The following C1orf167 variants were observed in gnomAD, a reference collection of about 807,000 sequenced individuals.
The protein encoded by C1orf167 is chromosome 1 open reading frame 167.
In C1orf167, 153 loss-of-function variants were observed where a neutral mutation model predicts 176.5. That is an observed-to-expected ratio of 0.87 (90% CI 0.76 to 0.99). C1orf167 has a LOEUF of 0.99. C1orf167 is among the 50% of genes least tolerant of loss of function. The probability of loss-of-function intolerance (pLI) is 0.00; values close to 1 mark genes in which losing one functional copy is unlikely to be tolerated. For synonymous variants in C1orf167, 594 were observed against 752.7 expected, an observed-to-expected ratio of 0.79 and a Z score of 3.45; for missense variants, 1,490 against 1,817.7, an observed-to-expected ratio of 0.82 and a Z score of 3.28.
chr1:11,776,375 A>C (rs1015691185), intron 9 of C1orf167, 89 bp from the exon 10 acceptor site: 15 of 1,173,930 alleles, frequency 1.3e-5, no homozygotes, highest in Non-Finnish European at 1.5e-5. Context: ...AGAGCTCCCA[A>C]GAGGGGCCTG....
intron 8 of C1orf167, among the ~76,000 whole-genome samples, chr1:11,774,991 A>G (rs1434359403): frequency 6.6e-6 from 1 of 152,152 alleles, no homozygotes; most frequent in Non-Finnish European, 1.5e-5. Flanking sequence ...ACAGATGAGA[A>G]AACGGAGGCT....
chr1:11,775,826 G>A (rs945307378), intron 9 of C1orf167, among the ~76,000 whole-genome samples: 7 of 152,222 alleles, frequency 4.6e-5, no homozygotes, highest in African/African-American at 1.7e-4. Context: ...TGCTGTGGGT[G>A]ACAGACTTGG....
chr1:11,772,352 C>T (rs1036978276), intron 8 of C1orf167, 93 bp downstream of exon 8: 3 of 1,107,252 alleles, frequency 2.7e-6, no homozygotes, highest in South Asian at 3.1e-5. Context: ...GCACCCTCCA[C>T]CTCCCTGGCT....
intron 7 of C1orf167, 46 bp downstream of exon 7, chr1:11,771,682 C>T (rs1453414565): frequency 5.7e-6 from 7 of 1,237,848 alleles, no homozygotes; most frequent in Non-Finnish European, 7.4e-6. Flanking sequence ...AGCCTGGCCA[C>T]GCAGGGCCTG....
intron 15 of C1orf167, 40 bp downstream of exon 15, chr1:11,784,633 C>G: frequency 8.3e-7 from 1 of 1,201,680 alleles, no homozygotes; most frequent in Non-Finnish European, 1.1e-6. Flanking sequence ...CTCTGTGCTT[C>G]CAGCTCAGGC....
intron 8 of C1orf167, among the ~76,000 whole-genome samples, chr1:11,775,006 C>T (rs1361192227): frequency 6.6e-6 from 1 of 152,152 alleles, no homozygotes; most frequent in Non-Finnish European, 1.5e-5. Flanking sequence ...GAGGCTTGGC[C>T]AGACGCGGTG....
At chr1:11,784,999 C>A in intron 15 of C1orf167, 149 bp from the exon 16 acceptor site, 1 of 682,012 alleles carries the variant, frequency 1.5e-6, no homozygotes, top group Non-Finnish European at 2.0e-6. Context: ...TACCCAGATT[C>A]TCCCTCCAGA....
rs1273714236 is a variant in C1orf167, at chr1:11,788,013, A to T, written c.3814A>T (p.Lys1272Ter). ...AHSSPEPRAC[K>*]AQSKAHKRRL... is the part of the protein sequence containing the mutation. ...CTCCAGCCCTGAGCCCAGAGCCTGC[A>T]AAGCCCAAAGCAAGGCCCATAAACG... The change falls in exon 18 of 21, where the codon AAA becomes TAA. Residue 1272 changes from lysine (K) to a stop codon, truncating the protein, a stop_gained. Coordinates refer to ENST00000688073, the MANE Select transcript of C1orf167 (RefSeq NM_001010881.2). LOFTEE classifies it high-confidence loss of function. The T allele has an allele frequency of 7.7e-7, 1 of 1,302,266 alleles. No individual in the cohort carries two copies. The highest frequency in any genetic ancestry group is 1.5e-5 in the African/African-American group (1 of 65,800). 80.7% of individuals were successfully genotyped at this position (1,302,266 alleles called of 1,614,324 possible).
chr1:11,784,822 C>A (rs767846297), intron 15 of C1orf167, among the ~76,000 whole-genome samples: 1 of 152,206 alleles, frequency 6.6e-6, no homozygotes, highest in Non-Finnish European at 1.5e-5. Context: ...AATGGTCATG[C>A]CTTGCAGTCA....
rs1287272250 is a variant in C1orf167, at chr1:11,779,820, C to T, written c.2670C>T (p.Ser890=). ...TTCCCAGCATCTTCCTCAGCTGGAG[C>T]CGCTGGGCAACAGCCCAATGGGCCT... ...TRQRRIFLSW[S]RWATAQWAWR... is the part of the protein sequence containing the mutation. Residue 890 remains serine, a synonymous_variant, in exon 13 of 21, where the codon AGC becomes AGT. Transcript: ENST00000688073. The T allele has an allele frequency of 1.5e-6, 2 of 1,302,124 alleles. No individual in the cohort carries two copies. The highest frequency in any genetic ancestry group is 2.3e-5 in the Admixed American group (1 of 43,542). The allele number at this position is 1,302,124 out of a possible 1,614,324, so 80.7% of individuals were successfully genotyped here. A position where few individuals can be genotyped will look rare whatever the true frequency, so the allele number is the denominator to read the frequency against.
rs1292116133 is a variant in C1orf167 at position 11,763,097 on chromosome 1, G to A, written c.-71+792G>A. 8.5e-5 allele frequency among the ~76,000 whole-genome samples: 13 copies of A among 152,306 alleles called. No homozygotes were observed. The East Asian group carries it at 2.3e-3, about 27-fold the overall frequency. ...GGCTGGTGTGTGTGGAGGACAGTGGGCAAGGGGAAGAGGAATTGGGGAGGA... is the reference window on the plus strand; with the variant it reads ...GGCTGGTGTGTGTGGAGGACAGTGGACAAGGGGAAGAGGAATTGGGGAGGA... On this transcript the variant is annotated intron_variant, in intron 1 of 20. Transcript: ENST00000688073.
intron 9 of C1orf167, among the ~76,000 whole-genome samples, chr1:11,775,937 GAC>G (rs941633309): frequency 2.6e-5 from 4 of 152,298 alleles, no homozygotes; most frequent in South Asian, 4.1e-4. Context: ...TGTGATGGGG[GAC>G]ACACAGCCCT....
At chr1:11,778,470 C>T (rs1643430305) in intron 10 of C1orf167, among the ~76,000 whole-genome samples, 190 bp from the exon 11 acceptor site, 1 of 152,170 alleles carries the variant, frequency 6.6e-6, no homozygotes, top group Non-Finnish European at 1.5e-5. Context: ...CTCTTGAAGC[C>T]CCCAGTGATT....
At position 11,787,322 on chromosome 1, in the gene C1orf167, C is replaced by T. The variant is rs1340338717; in HGVS notation, c.3568-66C>T. The T allele has an allele frequency of 4.8e-6, 5 of 1,050,984 alleles. No individual in the cohort carries two copies. The East Asian group carries it at 3.3e-4, about 69-fold the overall frequency. The allele number at this position is 1,050,984 out of a possible 1,614,324, so 65.1% of individuals were successfully genotyped here. A position where few individuals can be genotyped will look rare whatever the true frequency, so the allele number is the denominator to read the frequency against. On this transcript the variant is annotated intron_variant, in intron 16 of 20. Transcript: ENST00000688073. ...CTGCCAGCTAGAGCAGCGAAGAAAT[C>T]CCAGCGGGGCCCCAGGAAGTCCAAG...
At chr1:11,782,936 AG>A (rs902788037) in intron 14 of C1orf167, among the ~76,000 whole-genome samples, 4 of 137,832 alleles carry the variant, frequency 2.9e-5, no homozygotes, top group African/African-American at 1.0e-4. Context: ...AAAAAAAAAA[AG>A]GAGGAGAAAT....
chr1:11,784,089 A>C, intron 14 of C1orf167, 85 bp from the exon 15 acceptor site: 1 of 1,158,352 alleles, frequency 8.6e-7, no homozygotes, highest in Non-Finnish European at 1.1e-6. Flanking sequence ...AACTGACTTC[A>C]GGTGATCCAC....
intron 6 of C1orf167, among the ~76,000 whole-genome samples, chr1:11,771,049 G>GTGTGTATA (rs1491322371): frequency 8.6e-5 from 3 of 34,912 alleles, no homozygotes; most frequent in Non-Finnish European, 1.6e-4. Context: ...GTGTGTGTGT[G>GTGTGTATA]TATATATATA....
At chr1:11,778,569 C>T in intron 10 of C1orf167, 91 bp from the exon 11 acceptor site, 1 of 1,118,808 alleles carries the variant, frequency 8.9e-7, no homozygotes, top group Middle Eastern at 2.8e-4. Flanking sequence ...CCATCTCTTT[C>T]ACAGCGGCCA....
In C1orf167 at chr1:11,787,894, G is replaced by A. The variant is rs1643933177; in HGVS notation, c.3695G>A (p.Cys1232Tyr). 2 of 1,241,274 alleles carry A rather than the reference G, an allele frequency of 1.6e-6. No individual in the cohort carries two copies. The highest frequency in any genetic ancestry group is 2.1e-6 in the Non-Finnish European group (2 of 958,228). The allele number at this position is 1,241,274 out of a possible 1,614,324, so 76.9% of individuals were successfully genotyped here. ...WAQRCREHSL[C>Y]PAFQLWPQWP... The stretch of plus-strand genomic sequence containing the variant: ...CCAGGGTGCAGGGAACATTCCCTCT[G>A]CCCTGCCTTCCAGCTCTGGCCACAG... Residue 1232 changes from cysteine (C) to tyrosine (Y), a missense_variant, in exon 18 of 21, where the codon TGC becomes TAC. By Grantham distance (194) the Cys-to-Tyr change is radical. Coordinates refer to ENST00000688073, the MANE Select transcript of C1orf167 (RefSeq NM_001010881.2).
Sources: gnomAD v4.1 joint callset for allele counts (sites outside exome capture counted in the v4.1 genomes callset) on GRCh38, gnomAD v4.1.1 for gene constraint, MANE v1.5 for transcripts, NCBI Gene and HGNC (gene_info 2026-07-23, HGNC 2026-07-21) for gene names.